EAF1: variants seen among roughly 807,000 people sequenced by gnomAD.
The protein encoded by EAF1 is ELL-associated factor 1.
In EAF1, 19 loss-of-function variants were observed where a neutral mutation model predicts 26.6. That is an observed-to-expected ratio of 0.71 (90% confidence interval 0.50 to 1.05). The LOEUF is 1.05. Among genes scored for constraint, EAF1 ranks in the 50% least tolerant of loss-of-function variants. EAF1 has a pLI of 0.00. For synonymous variants in EAF1, 102 were observed against 120.6 expected, an observed-to-expected ratio of 0.85 and a Z score of 1.01; for missense variants, 260 against 335.5, an observed-to-expected ratio of 0.78 and a Z score of 1.76.
chr3:15,438,515 T>A (rs1252492196), intron 5 of EAF1: 1 of 151,770 alleles, frequency 6.6e-6, no homozygotes, highest in Non-Finnish European at 1.5e-5. Flanking sequence ...ATTTTCTTTT[T>A]TTTTTTTTTT....
chr3:15,427,982 A>C (rs1386110950), intron 1 of EAF1, 100 bp downstream of exon 1: 15 of 932,146 alleles, frequency 1.6e-5, no homozygotes, highest in Admixed American at 6.3e-5. Flanking sequence ...ATTCCAGGGA[A>C]CCCCCTGCCA....
chr3:15,428,955 A>G (rs1353981070), intron 1 of EAF1, among the ~76,000 whole-genome samples: 1 of 152,218 alleles, frequency 6.6e-6, no homozygotes, highest in African/African-American at 2.4e-5. Context: ...GAGAGAAGAG[A>G]TGGGAATAAG....
rs2125070940 is a variant in EAF1 at position 15,442,172 on chromosome 3, A to G, written c.*3017A>G. On this transcript the variant is annotated 3_prime_UTR_variant, in exon 6 of 6. Transcript: ENST00000396842. ...TGTAGGAAAACTTGAAAATTCCAAA[A>G]TCCTTATTTTCCTATTTGAGAGGCT... 1 of 152,180 alleles carries G rather than the reference A, an allele frequency of 6.6e-6. No homozygotes were observed. Among genetic ancestry groups the G allele is most frequent in the Non-Finnish European group, 1.5e-5 (1 of 67,976 alleles). 9.4% of individuals were successfully genotyped at this position (152,180 alleles called of 1,614,324 possible).
intron 2 of EAF1, among the ~76,000 whole-genome samples, chr3:15,430,759 G>A (rs1237268553): frequency 1.3e-5 from 2 of 152,186 alleles, no homozygotes; most frequent in African/African-American, 4.8e-5. Context: ...CCCTTGCAGA[G>A]AAAGACTTTT....
At chr3:15,428,092 A>G (rs904412135) in intron 1 of EAF1, among the ~76,000 whole-genome samples, 1 of 151,664 alleles carries the variant, frequency 6.6e-6, no homozygotes, top group Non-Finnish European at 1.5e-5. Context: ...ACTCCCTACT[A>G]TTCTTCTACC....
Position 15,427,819 on chromosome 3 carries a change from C to T in EAF1, c.40C>T (p.His14Tyr), listed in dbSNP as rs1000062227. 1.3e-6 allele frequency: 2 copies of T among 1,551,336 alleles called. No homozygotes were observed. Among genetic ancestry groups the T allele is most frequent in the East Asian group, 2.4e-5 (1 of 40,894 alleles). The change falls in exon 1 of 6, where the codon CAT becomes TAT. Residue 14 changes from histidine to tyrosine, a missense_variant. By Grantham distance (83) the His-to-Tyr change is moderately conservative. Coordinates refer to ENST00000396842, the MANE Select transcript of EAF1 (RefSeq NM_033083.7). The part of the protein sequence containing the change: ...TANPLLDREE[H>Y]CLRLGESFEK... The stretch of plus-strand genomic sequence containing the variant: ...AAACCCGCTGCTGGACCGCGAGGAA[C>T]ATTGCCTGAGGCTCGGGGAGAGCTT...
At position 15,427,655 on chromosome 3, in the gene EAF1, T is replaced by C. The variant is rs2061760065; in HGVS notation, c.-125T>C. On this transcript the variant is annotated 5_prime_UTR_variant, in exon 1 of 6. Transcript: ENST00000396842. ...CTTCTGGACCCGGGTGGGTGCCGGC[T>C]CGGCTCTCCTTGTCTTCCAGAGCGG... The C allele has an allele frequency of 9.9e-7, 1 of 1,014,802 alleles. No individual in the cohort carries two copies. The highest frequency in any genetic ancestry group is 1.5e-6 in the Non-Finnish European group (1 of 678,182). 62.9% of individuals were successfully genotyped at this position (1,014,802 alleles called of 1,614,324 possible). A position where few individuals can be genotyped will look rare whatever the true frequency, so the allele number is the denominator to read the frequency against.
intron 3 of EAF1, 114 bp from the exon 4 acceptor site, chr3:15,434,234 G>A (rs1176252382): frequency 8.5e-7 from 1 of 1,175,906 alleles, no homozygotes; most frequent in African/African-American, 1.5e-5. Context: ...GTATTTTGAA[G>A]TGGTCTGGAA....
At chr3:15,438,980 G>A in intron 5 of EAF1, 129 bp from the exon 6 acceptor site, 1 of 836,792 alleles carries the variant, frequency 1.2e-6, no homozygotes, top group Non-Finnish European at 1.8e-6. Context: ...TCTTCCCTAA[G>A]TTGAATTAAC....
chr3:15,431,750 G>C (rs2061803475), intron 2 of EAF1, among the ~76,000 whole-genome samples: 1 of 152,168 alleles, frequency 6.6e-6, no homozygotes, highest in Non-Finnish European at 1.5e-5. Context: ...AAGAAATAGA[G>C]ATCACTCACA....
chr3:15,432,030 T>C, intron 2 of EAF1, 57 bp from the exon 3 acceptor site: 1 of 1,554,990 alleles, frequency 6.4e-7, no homozygotes, highest in Non-Finnish European at 8.7e-7. Flanking sequence ...ATAAATTCAG[T>C]TGATATTCAT....
chr3:15,441,289 C>A lies in EAF1; in HGVS notation c.*2134C>A, dbSNP rs2061868077. The A allele has an allele frequency of 6.5e-6, 1 of 153,684 alleles. No individual in the cohort carries two copies. Among genetic ancestry groups the A allele is most frequent in the East Asian group, 1.9e-4 (1 of 5,190 alleles). The allele number at this position is 153,684 out of a possible 1,614,324, so 9.5% of individuals were successfully genotyped here. A position where few individuals can be genotyped will look rare whatever the true frequency, so the allele number is the denominator to read the frequency against. On this transcript the variant is annotated 3_prime_UTR_variant, in exon 6 of 6. Coordinates refer to ENST00000396842, the MANE Select transcript of EAF1 (RefSeq NM_033083.7). ...TAAGCAATCTTTTCTTTTTAGAAAT[C>A]AAGAATTTGGCTTCACAGATGGCTT...
chr3:15,432,389 T>C (rs546886215), intron 3 of EAF1, among the ~76,000 whole-genome samples, 166 bp downstream of exon 3: 1 of 152,212 alleles, frequency 6.6e-6, no homozygotes, highest in Non-Finnish European at 1.5e-5. Flanking sequence ...GAGTAAAATA[T>C]GTCTTCCTCA....
chr3:15,433,801 G>T (rs1229425169), intron 3 of EAF1, among the ~76,000 whole-genome samples: 1 of 152,214 alleles, frequency 6.6e-6, no homozygotes, highest in Non-Finnish European at 1.5e-5. Context: ...GGTCCCTTAA[G>T]ATTCTAATGG....
chr3:15,432,365 T>A, intron 3 of EAF1, 142 bp downstream of exon 3: 1 of 1,011,156 alleles, frequency 9.9e-7, no homozygotes. Context: ...ACAAAATATG[T>A]AAATATGTGC....
intron 2 of EAF1, 112 bp downstream of exon 2, chr3:15,430,119 C>A: frequency 2.9e-5 from 24 of 823,734 alleles, no homozygotes; most frequent in South Asian, 9.8e-5. Flanking sequence ...TCTAAAGTGG[C>A]AACTTAAGGA....
intron 5 of EAF1, among the ~76,000 whole-genome samples, chr3:15,437,398 C>G (rs903756770): frequency 6.6e-6 from 1 of 151,572 alleles, no homozygotes; most frequent in Admixed American, 6.6e-5. Flanking sequence ...AGTGATCCAC[C>G]CACCTCGGCT....
chr3:15,434,350 C>T lies in EAF1; in HGVS notation c.338C>T (p.Ala113Val), dbSNP rs749241190. 63 of 1,613,788 alleles carry T rather than the reference C, an allele frequency of 3.9e-5. No homozygotes were observed. Among genetic ancestry groups the T allele is most frequent in the Non-Finnish European group, 5.0e-5 (59 of 1,179,822 alleles). Reference sequence around the variant, plus strand: ...TTAATGTCTGTATCTCCTTTCAGAGCTGAGGGCAGCAGTAAAATCCAGGCC... The same window carrying T: ...TTAATGTCTGTATCTCCTTTCAGAGTTGAGGGCAGCAGTAAAATCCAGGCC... ...SSSIQVKKTR[A>V]EGSSKIQARM... The change falls in exon 4 of 6, where the codon GCT becomes GTT. Residue 113 changes from alanine (A) to valine (V), a missense_variant and splice_region_variant. Coordinates refer to ENST00000396842, the MANE Select transcript of EAF1 (RefSeq NM_033083.7).
chr3:15,428,163 GC>G (rs1421916809), intron 1 of EAF1, among the ~76,000 whole-genome samples: 3 of 71,224 alleles, frequency 4.2e-5, no homozygotes, highest in African/African-American at 1.7e-4. Flanking sequence ...ATCCCTCCCC[GC>G]CCCCAACCTC....
Sources: gnomAD v4.1 joint callset for allele counts (sites outside exome capture counted in the v4.1 genomes callset) on GRCh38, gnomAD v4.1.1 for gene constraint, MANE v1.5 for transcripts, NCBI Gene and HGNC (gene_info 2026-07-23, HGNC 2026-07-21) for gene names.